The following IL2RB variants were observed in gnomAD, a reference collection of about 807,000 sequenced individuals.
IL2RB encodes the protein interleukin 2 receptor subunit beta, also known as interleukin-2 receptor subunit beta.
A neutral mutation model predicts 44.2 loss-of-function variants in IL2RB; 17 were observed. The ratio of observed to expected loss-of-function variants is 0.38; its 90% CI spans 0.26 to 0.58. The LOEUF (loss-of-function observed/expected upper bound fraction) is 0.58, where lower values mean the gene tolerates loss of function less well. Among genes scored for constraint, IL2RB ranks in the 20% least tolerant of loss-of-function variants. The pLI, the probability that IL2RB is intolerant of heterozygous loss-of-function variation, is 0.63. For missense variants in IL2RB, 624 were observed against 685.5 expected (o/e 0.91, Z 1.00); for synonymous variants, 286 against 297.9 (o/e 0.96, Z 0.41).
At chr22:37,130,093 C>T (rs930230027) in intron 9 of IL2RB, among the ~76,000 whole-genome samples, 24 of 152,206 alleles carry the variant, frequency 1.6e-4, no homozygotes, top group African/African-American at 5.3e-4. Context: ...CAATTAAATC[C>T]GCCCCCTTTC....
At position 37,135,381 on chromosome 22, in the gene IL2RB, A is replaced by T. The variant is rs1449893175; in HGVS notation, c.765T>A (p.Phe255Leu). Reference protein sequence around the residue: ...GHLLVGLSGAFGFIILVYLLI... With the variant: ...GHLLVGLSGALGFIILVYLLI... ...GCAAGTACACTAAGATGATGAAGCC[A>T]AAAGCCCCGCTGAGGCCCACGAGGA... Residue 255 changes from phenylalanine to leucine, a missense_variant, in exon 8 of 10, where the codon TTT (phenylalanine) becomes TTA (leucine). Physicochemically the swap from Phe to Leu is conservative, Grantham distance 22 (BLOSUM62 0). Around this residue, in one of 3 missense-constraint regions of IL2RB, gnomAD observed 255 missense variants for 339.9 expected, o/e 0.75. Transcript: ENST00000216223. 5 of 1,613,884 alleles carry T rather than the reference A, an allele frequency of 3.1e-6. No homozygotes were observed. Among genetic ancestry groups the T allele is most frequent in the South Asian group, 1.1e-5 (1 of 91,078 alleles).
At chr22:37,140,192 C>G (rs1325410194) in intron 4 of IL2RB, among the ~76,000 whole-genome samples, 1 of 152,068 alleles carries the variant, frequency 6.6e-6, no homozygotes, top group Non-Finnish European at 1.5e-5. Flanking sequence ...GTTGGAATTC[C>G]CCAAACTGGC....
chr22:37,139,083 C>T (rs1445776114), intron 5 of IL2RB, 34 bp downstream of exon 5: 2 of 1,411,438 alleles, frequency 1.4e-6, no homozygotes, highest in Non-Finnish European at 2.0e-6. Context: ...GGTGCCCAGC[C>T]CTGCCCCAGC....
chr22:37,152,929 CTTTTTTTTTTTTT>C (rs67046193), upstream of IL2RB, among the ~76,000 whole-genome samples: 2 of 86,984 alleles, frequency 2.3e-5, no homozygotes, highest in Non-Finnish European at 4.3e-5. Context: ...GCTGTGGCCT[CTTTTTTTTTTTTT>C]TTTTTTTTTT....
At chr22:37,142,355 T>A in intron 4 of IL2RB, 79 bp downstream of exon 4, 1 of 1,337,944 alleles carries the variant, frequency 7.5e-7, no homozygotes, top group Non-Finnish European at 1.1e-6. Context: ...TCCCCTGGCA[T>A]CCGGCCCACC....
chr22:37,133,884 T>G (rs536413325), intron 8 of IL2RB, among the ~76,000 whole-genome samples: 11 of 152,256 alleles, frequency 7.2e-5, no homozygotes, highest in African/African-American at 2.6e-4. Context: ...GTTTCTTCCC[T>G]CCTGCCTGCC....
chr22:37,149,814 G>T lies in IL2RB; in HGVS notation c.-34+11C>A. ...TCCACAGGGGCCGGGAGGGAGGCAG[G>T]GGGACATCACCTGGCTGAGACATGG... On this transcript the variant is annotated intron_variant, in intron 1 of 9. Coordinates refer to ENST00000216223, the MANE Select transcript of IL2RB (RefSeq NM_000878.5). 1 of 983,952 alleles carries T rather than the reference G, an allele frequency of 1.0e-6. No homozygotes were observed. Among genetic ancestry groups the T allele is most frequent in the Non-Finnish European group, 1.2e-6 (1 of 828,596 alleles). 61.0% of individuals were successfully genotyped at this position (983,952 alleles called of 1,614,324 possible).
chr22:37,146,368 G>T (rs745581340), intron 1 of IL2RB, among the ~76,000 whole-genome samples: 3 of 152,128 alleles, frequency 2.0e-5, no homozygotes, highest in Non-Finnish European at 4.4e-5. Flanking sequence ...GGACCGGAAT[G>T]AGGTCAGCCC....
chr22:37,135,626 A>G (rs2146233997), intron 7 of IL2RB, among the ~76,000 whole-genome samples, 184 bp from the exon 8 acceptor site: 1 of 152,246 alleles, frequency 6.6e-6, no homozygotes, highest in East Asian at 1.9e-4. Flanking sequence ...AAAAGAAATG[A>G]CACGGTGGCA....
In IL2RB at chr22:37,128,735, C is replaced by A. The variant is rs886773937; in HGVS notation, c.1017G>T (p.Gln339His). The A allele has an allele frequency of 1.9e-6, 3 of 1,614,042 alleles. No individual in the cohort carries two copies. The highest frequency in any genetic ancestry group is 2.5e-6 in the Non-Finnish European group (3 of 1,180,004). ...ERDKVTQLLL[Q>H]QDKVPEPASL... The stretch of plus-strand genomic sequence containing the variant: ...ATGCGGGCTCAGGCACCTTGTCCTG[C>A]TGCAGGAGCAGCTGCGTCACCTTGT... The change falls in exon 10 of 10, where the codon CAG (glutamine) becomes CAT (histidine). Residue 339 changes from glutamine (Q) to histidine (H), a missense_variant. Gln to His is a conservative substitution (Grantham distance 24). Transcript: ENST00000216223. The surrounding 1 kb of genome is among the most constrained non-coding windows in gnomAD (Gnocchi z 4.5).
intron 1 of IL2RB, among the ~76,000 whole-genome samples, chr22:37,148,266 G>A (rs1396902395): frequency 6.6e-6 from 1 of 152,206 alleles, no homozygotes; most frequent in East Asian, 1.9e-4. Context: ...AGCTGAGGGA[G>A]CGCCTGGCAG....
chr22:37,156,109 T>C (rs1922671797), intron 1 of IL2RB, among the ~76,000 whole-genome samples: 1 of 152,100 alleles, frequency 6.6e-6, no homozygotes, highest in African/African-American at 2.4e-5. Context: ...TCAGCCTCCC[T>C]CTCCACTCCG....
chr22:37,152,544 T>C (rs1922530655), upstream of IL2RB, among the ~76,000 whole-genome samples: 1 of 152,206 alleles, frequency 6.6e-6, no homozygotes, highest in Admixed American at 6.5e-5. Context: ...TCCTTTCCAA[T>C]TTGGATGCCC....
intron 8 of IL2RB, among the ~76,000 whole-genome samples, chr22:37,133,321 G>A (rs1921522397): frequency 6.6e-6 from 1 of 152,146 alleles, no homozygotes; most frequent in South Asian, 2.1e-4. Flanking sequence ...GTGGGTGGAG[G>A]AATGCTTGTC....
chr22:37,143,644 C>A lies in IL2RB; in HGVS notation c.89-9G>T, dbSNP rs1278019853. 11 of 1,600,344 alleles carry A rather than the reference C, an allele frequency of 6.9e-6. No individual in the cohort carries two copies. The highest frequency in any genetic ancestry group is 9.4e-6 in the Non-Finnish European group (11 of 1,167,746). ...TGTGAACTGGGAAGTGCCTGCCGGGCAAGATGAGGTGTGAGTGCTGACTGT... is the reference window on the plus strand; with the variant it reads ...TGTGAACTGGGAAGTGCCTGCCGGGAAAGATGAGGTGTGAGTGCTGACTGT... On this transcript the variant is annotated splice_polypyrimidine_tract_variant and intron_variant, in intron 2 of 9. Transcript: ENST00000216223.
At position 37,128,209 on chromosome 22, in the gene IL2RB, T is replaced by C; in HGVS notation, c.1543A>G (p.Arg515Gly). The change falls in exon 10 of 10, where the codon AGG (arginine) becomes GGG (glycine). Residue 515 changes from arginine to glycine, a missense_variant. Arg to Gly is a moderately radical substitution (Grantham distance 125). Transcript: ENST00000216223. This position sits in a 1 kb window ranked among gnomAD's most constrained non-coding sequence, Gnocchi z 4.5. ...CTGAACTCCCCCTGCCCAGGAGGCCTGGACCAGGGGAAACTGACTCCCTCC... is the reference window on the plus strand; with the variant it reads ...CTGAACTCCCCCTGCCCAGGAGGCCCGGACCAGGGGAAACTGACTCCCTCC... ...PREGVSFPWS[R>G]PPGQGEFRAL... is the part of the protein sequence containing the mutation. The C allele has an allele frequency of 6.6e-7, 1 of 1,518,686 alleles. No homozygotes were observed. The highest frequency in any genetic ancestry group is 8.8e-7 in the Non-Finnish European group (1 of 1,136,416). 94.1% of individuals were successfully genotyped at this position (1,518,686 alleles called of 1,614,324 possible).
At chr22:37,171,953 CTG>C (rs1569056851) in intron 1 of IL2RB, among the ~76,000 whole-genome samples, 2 of 152,172 alleles carry the variant, frequency 1.3e-5, no homozygotes, top group African/African-American at 4.8e-5. Context: ...CCCCAATACA[CTG>C]TGTTTCCCTC....
chr22:37,135,429 G>A lies in IL2RB; in HGVS notation c.717C>T (p.Asp239=), dbSNP rs1437344241. Residue 239 remains aspartate (D), a synonymous_variant, in exon 8 of 10, where the codon GAC becomes GAT. Coordinates refer to ENST00000216223, the MANE Select transcript of IL2RB (RefSeq NM_000878.5). ...FRTKPAALGK[D]TIPWLGHLLV... ...GGAGGTGGCCGAGCCACGGAATGGT[G>A]TCCTTCCCAAGGGCTGCCCAGGGGT... 1.2e-6 allele frequency: 2 copies of A among 1,612,540 alleles called. No homozygotes were observed. Among genetic ancestry groups the A allele is most frequent in the East Asian group, 2.2e-5 (1 of 44,874 alleles).
intron 1 of IL2RB, among the ~76,000 whole-genome samples, chr22:37,162,162 C>A (rs1250731393): frequency 6.6e-6 from 1 of 152,212 alleles, no homozygotes; most frequent in East Asian, 1.9e-4. Flanking sequence ...ACAGCAATGA[C>A]TGACCACGTT....
Sources: allele counts gnomAD v4.1 joint callset (sites outside exome capture counted in the v4.1 genomes callset), GRCh38; gene constraint gnomAD v4.1.1; regional missense constraint gnomAD v4.1.1; non-coding constraint Gnocchi (gnomAD v3.1); transcripts MANE v1.5; gene names NCBI Gene and HGNC (gene_info 2026-07-23, HGNC 2026-07-21).